Variants in VPS13B observed in about 807,000 individuals in gnomAD.
VPS13B encodes the protein intermembrane lipid transfer protein VPS13B.
A neutral mutation model predicts 426.4 loss-of-function variants in VPS13B; 285 were observed. The ratio of observed to expected loss-of-function variants is 0.67; its 90% CI spans 0.61 to 0.74. The LOEUF (loss-of-function observed/expected upper bound fraction) is 0.74, where lower values mean the gene tolerates loss of function less well. Ranked by LOEUF, VPS13B falls within the 30% of genes least tolerant of loss-of-function variation. VPS13B has a pLI of 0.00. For synonymous variants in VPS13B, 1,676 were observed against 1,676.4 expected, an observed-to-expected ratio of 1.00 and a Z score of 0.01; for missense variants, 4,537 against 4,782.6, an observed-to-expected ratio of 0.95 and a Z score of 1.51.
chr8:99,338,889 A>T (rs1811078256), intron 19 of VPS13B, among the ~76,000 whole-genome samples: 1 of 152,136 alleles, frequency 6.6e-6, no homozygotes, highest in South Asian at 2.1e-4. Flanking sequence ...TAGATCAGTG[A>T]TTATTTCTTT....
At chr8:99,859,617 G>A (rs1048534418) in intron 57 of VPS13B, 137 bp downstream of exon 57, 16 of 1,155,820 alleles carry the variant, frequency 1.4e-5, no homozygotes, top group Admixed American at 4.5e-5. Flanking sequence ...TGAGAGTTTG[G>A]GTTTGTAACA....
chr8:99,808,779 T>G (rs80168870), intron 43 of VPS13B, among the ~76,000 whole-genome samples: 5,385 of 150,150 alleles, frequency 0.036, 108 homozygotes, highest in East Asian at 0.047. Flanking sequence ...TTGGTAAATG[T>G]TACAATAAGT....
intron 34 of VPS13B, among the ~76,000 whole-genome samples, chr8:99,649,033 T>C (rs1009119741): frequency 4.3e-4 from 66 of 152,252 alleles, no homozygotes; most frequent in African/African-American, 1.3e-3. Context: ...ACTTTAGAGA[T>C]AGTATTTCAT....
intron 36 of VPS13B, 128 bp downstream of exon 36, chr8:99,700,060 G>C: frequency 0.016 from 14,060 of 862,718 alleles, no homozygotes; most frequent in Non-Finnish European, 0.022. Flanking sequence ...TAGAGATGAG[G>C]ACATTTCTGG....
At chr8:99,448,562 T>C (rs1485424144) in intron 23 of VPS13B, among the ~76,000 whole-genome samples, 1 of 152,186 alleles carries the variant, frequency 6.6e-6, no homozygotes, top group African/African-American at 2.4e-5. Flanking sequence ...TGTACCCAGA[T>C]AGAAAACTGA....
chr8:99,690,950 A>G (rs1333198733), intron 35 of VPS13B, among the ~76,000 whole-genome samples: 1 of 152,216 alleles, frequency 6.6e-6, no homozygotes, highest in Non-Finnish European at 1.5e-5. Context: ...CAAAAACTGG[A>G]AACAACCCAA....
intron 8 of VPS13B, among the ~76,000 whole-genome samples, chr8:99,134,298 C>G (rs1483311775): frequency 6.6e-6 from 1 of 152,062 alleles, no homozygotes; most frequent in Non-Finnish European, 1.5e-5. Flanking sequence ...ATAAAATGAA[C>G]TGAGGTTATA....
intron 33 of VPS13B, among the ~76,000 whole-genome samples, chr8:99,591,511 C>A (rs946028736): frequency 2.0e-5 from 3 of 151,936 alleles, no homozygotes; most frequent in Non-Finnish European, 2.9e-5. Flanking sequence ...TTCCATGTTT[C>A]GTGCTTCCTT....
rs181635375 is a variant in VPS13B at position 99,137,972 on chromosome 8, G to A, written c.1651+1220G>A. ...TTTAGGCTTCTCTTCTTTGAAAATCGTACTATCCTCTTCTTGTTGCTCAAG... is the reference window on the plus strand; with the variant it reads ...TTTAGGCTTCTCTTCTTTGAAAATCATACTATCCTCTTCTTGTTGCTCAAG... On this transcript the variant is annotated intron_variant, in intron 12 of 61. Coordinates refer to ENST00000357162, the MANE Select transcript of VPS13B (RefSeq NM_152564.5). 6.3e-3 allele frequency among the ~76,000 whole-genome samples: 962 copies of A among 151,940 alleles called. 8 individuals are homozygous for A. Among genetic ancestry groups the A allele is most frequent in the African/African-American group, 0.022 (902 of 41,436 alleles).
At chr8:99,589,761 G>A (rs543680177) in intron 33 of VPS13B, among the ~76,000 whole-genome samples, 40 of 152,198 alleles carry the variant, frequency 2.6e-4, no homozygotes, top group African/African-American at 8.7e-4. Flanking sequence ...GAGGATTTTC[G>A]CATCAATGTT....
intron 31 of VPS13B, among the ~76,000 whole-genome samples, chr8:99,561,946 G>T (rs181223134): frequency 1.3e-5 from 2 of 152,110 alleles, no homozygotes; most frequent in Non-Finnish European, 2.9e-5. Context: ...GAATTACAGG[G>T]TCATATGGCA....
intron 17 of VPS13B, among the ~76,000 whole-genome samples, chr8:99,237,037 G>A (rs1251649872): frequency 1.3e-5 from 2 of 152,158 alleles, no homozygotes; most frequent in African/African-American, 4.8e-5. Context: ...TTTAAAAAGA[G>A]ATGTTCCCCT....
rs771571074 is a variant in VPS13B, at chr8:99,170,127, C to T, written c.2297C>T (p.Ala766Val). 6.2e-7 allele frequency: 1 copy of T among 1,612,892 alleles called. No homozygotes were observed. Among genetic ancestry groups the T allele is most frequent in the Non-Finnish European group, 8.5e-7 (1 of 1,179,062 alleles). The change falls in exon 16 of 62, where the codon GCT becomes GTT. Residue 766 changes from alanine (A) to valine (V), a missense_variant. Physicochemically the swap from Ala to Val is moderately conservative, Grantham distance 64. Coordinates refer to ENST00000357162, the MANE Select transcript of VPS13B (RefSeq NM_152564.5). ...PVPVIPSFSTALYGKLLKLPT... is the reference protein window; with the variant it reads ...PVPVIPSFSTVLYGKLLKLPT... ...CCAGTTATTCCCTCTTTCAGCACTG[C>T]TCTTTATGGGAAACTTCTGAAACTC...
chr8:99,078,756 C>T (rs1845275086), intron 3 of VPS13B, among the ~76,000 whole-genome samples: 1 of 151,980 alleles, frequency 6.6e-6, no homozygotes, highest in Non-Finnish European at 1.5e-5. Context: ...GGCAGGCCAA[C>T]CATTGGGTCT....
intron 23 of VPS13B, among the ~76,000 whole-genome samples, chr8:99,458,367 G>A (rs148301122): frequency 0.036 from 5,178 of 142,880 alleles, 131 homozygotes; most frequent in Non-Finnish European, 0.051. Context: ...GAATAGTGCC[G>A]CTATAAACAT....
At chr8:99,029,762 C>G (rs949542430) in intron 2 of VPS13B, among the ~76,000 whole-genome samples, 2 of 127,768 alleles carry the variant, frequency 1.6e-5, no homozygotes, top group African/African-American at 3.1e-5. Context: ...AGAGGGAGAC[C>G]GTGGAAGGAG....
intron 35 of VPS13B, among the ~76,000 whole-genome samples, chr8:99,689,440 A>G (rs1355925414): frequency 2.0e-5 from 3 of 152,186 alleles, no homozygotes; most frequent in African/African-American, 7.2e-5. Context: ...GGATATTCCA[A>G]AAGTAATGAT....
intron 3 of VPS13B, among the ~76,000 whole-genome samples, chr8:99,041,568 T>C (rs1842965008): frequency 6.6e-6 from 1 of 152,100 alleles, no homozygotes; most frequent in Non-Finnish European, 1.5e-5. Context: ...TTGAATTAAG[T>C]CTTGGCTGGG....
At chr8:99,208,319 G>A (rs1164047875) in intron 17 of VPS13B, among the ~76,000 whole-genome samples, 2 of 151,972 alleles carry the variant, frequency 1.3e-5, no homozygotes. Context: ...GTGATTTGAG[G>A]GGATGACAAA....
Sources: allele counts gnomAD v4.1 joint callset (sites outside exome capture counted in the v4.1 genomes callset), GRCh38; gene constraint gnomAD v4.1.1; transcripts MANE v1.5; gene names NCBI Gene and HGNC (gene_info 2026-07-23, HGNC 2026-07-21).